Variants in TMEM132D observed in about 807,000 individuals in gnomAD.
The protein encoded by TMEM132D is transmembrane protein 132D.
A neutral mutation model predicts 62.3 loss-of-function variants in TMEM132D; 21 were observed. That is an observed-to-expected ratio of 0.34 (90% confidence interval 0.24 to 0.49). The LOEUF (loss-of-function observed/expected upper bound fraction) is 0.49, where lower values mean the gene tolerates loss of function less well. TMEM132D is among the 20% of genes least tolerant of loss of function. The pLI is 0.99. For missense variants in TMEM132D, 1,346 were observed against 1,402.8 expected, an observed-to-expected ratio of 0.96 and a Z score of 0.65; for synonymous variants, 621 against 575.6, an observed-to-expected ratio of 1.08 and a Z score of -1.13.
At chr12:129,481,475 A>T (rs1264614939) in intron 3 of TMEM132D, among the ~76,000 whole-genome samples, 9 of 146,144 alleles carry the variant, frequency 6.2e-5, no homozygotes, top group Non-Finnish European at 1.4e-4. Flanking sequence ...AAAAAAAAAA[A>T]AAAACCCACA....
intron 2 of TMEM132D, among the ~76,000 whole-genome samples, chr12:129,554,596 T>A (rs1378257631): frequency 6.6e-6 from 1 of 152,174 alleles, no homozygotes; most frequent in Non-Finnish European, 1.5e-5. Context: ...CTCTTCTGAA[T>A]CTTGTCCACC....
chr12:129,127,131 T>C (rs1876237107), intron 5 of TMEM132D, among the ~76,000 whole-genome samples: 1 of 152,210 alleles, frequency 6.6e-6, no homozygotes, highest in South Asian at 2.1e-4. Context: ...TTGAACACAC[T>C]GGCTTCAAGG....
intron 4 of TMEM132D, among the ~76,000 whole-genome samples, chr12:129,305,394 G>A (rs1311965505): frequency 1.3e-5 from 2 of 152,180 alleles, no homozygotes; most frequent in Non-Finnish European, 2.9e-5. Flanking sequence ...AAGTGCCACT[G>A]CCTGTCCTGA....
At chr12:129,287,718 A>G (rs1881340086) in intron 4 of TMEM132D, among the ~76,000 whole-genome samples, 1 of 133,076 alleles carries the variant, frequency 7.5e-6, no homozygotes, top group Admixed American at 8.5e-5. Flanking sequence ...ACTGCCCAGC[A>G]AAACTTTCAT....
Position 129,074,950 on chromosome 12 carries a change from A to C in TMEM132D, c.2225T>G (p.Val742Gly), listed in dbSNP as rs149855471. 3,503 of 1,613,938 alleles carry C rather than the reference A, an allele frequency of 2.2e-3. 5 individuals are homozygous for C. Among genetic ancestry groups the C allele is most frequent in the Non-Finnish European group, 2.8e-3 (3,266 of 1,180,002 alleles). The change falls in exon 9 of 9, where the codon GTA becomes GGA. Residue 742 changes from valine (V) to glycine (G), a missense_variant. Coordinates refer to ENST00000422113, the MANE Select transcript of TMEM132D (RefSeq NM_133448.3). Reference protein sequence around the residue: ...SLMATSLDEKVVSIHQDPKFK... With the variant: ...SLMATSLDEKGVSIHQDPKFK... ...TTTGGGGTCTTGGTGGATGGAGACT[A>C]CCTTCTCATCCAAAGATGTGGCCAT...
At chr12:129,575,804 G>T (rs1877645326) in intron 2 of TMEM132D, among the ~76,000 whole-genome samples, 1 of 1,470 alleles carries the variant, frequency 6.8e-4, no homozygotes, top group South Asian at 0.033. Flanking sequence ...ACGGAGTCTC[G>T]CTCTGTCGCC....
At chr12:129,744,297 A>G (rs1426579334) in intron 1 of TMEM132D, among the ~76,000 whole-genome samples, 2 of 152,204 alleles carry the variant, frequency 1.3e-5, no homozygotes, top group East Asian at 3.8e-4. Context: ...GATCGCTCCA[A>G]GGATGTACTT....
chr12:129,743,468 GT>G (rs1011783718), intron 1 of TMEM132D, among the ~76,000 whole-genome samples: 6 of 152,164 alleles, frequency 3.9e-5, no homozygotes, highest in Admixed American at 2.6e-4. Context: ...AGAAGAACGT[GT>G]TTGCTTCCCC....
At chr12:129,153,015 CT>C (rs1360091542) in intron 5 of TMEM132D, among the ~76,000 whole-genome samples, 1 of 152,202 alleles carries the variant, frequency 6.6e-6, no homozygotes, top group Non-Finnish European at 1.5e-5. Context: ...GCAACACCAC[CT>C]CCTCCCTTTG....
intron 3 of TMEM132D, among the ~76,000 whole-genome samples, chr12:129,392,488 T>C (rs1566054876): frequency 6.6e-6 from 1 of 152,194 alleles, no homozygotes; most frequent in Non-Finnish European, 1.5e-5. Context: ...TCAAAGAGAT[T>C]CTGGTCTCAT....
chr12:129,655,525 G>A (rs959093533), intron 2 of TMEM132D, among the ~76,000 whole-genome samples: 7 of 152,118 alleles, frequency 4.6e-5, no homozygotes, highest in Middle Eastern at 3.4e-3. Context: ...GGGATTACAG[G>A]CATGAGCCAC....
chr12:129,744,025 T>C (rs1002992602), intron 1 of TMEM132D, among the ~76,000 whole-genome samples: 1 of 152,212 alleles, frequency 6.6e-6, no homozygotes, highest in African/African-American at 2.4e-5. Context: ...TATACAGCTA[T>C]CTACAGTGTT....
At chr12:129,439,480 C>T (rs1202080563) in intron 3 of TMEM132D, among the ~76,000 whole-genome samples, 1 of 151,770 alleles carries the variant, frequency 6.6e-6, no homozygotes, top group African/African-American at 2.4e-5. Flanking sequence ...GACGGAATCT[C>T]ACTCTATTGC....
intron 1 of TMEM132D, among the ~76,000 whole-genome samples, chr12:129,849,140 T>A (rs1220340737): frequency 1.3e-5 from 2 of 152,154 alleles, no homozygotes; most frequent in African/African-American, 2.4e-5. Context: ...ACCTTAAGCA[T>A]CCCTGGCTTT....
intron 2 of TMEM132D, among the ~76,000 whole-genome samples, chr12:129,609,232 A>C (rs1878706564): frequency 1.3e-5 from 2 of 152,140 alleles, no homozygotes; most frequent in Admixed American, 6.5e-5. Context: ...GGAGTGAGCC[A>C]CCATGCCTGG....
intron 1 of TMEM132D, among the ~76,000 whole-genome samples, chr12:129,804,555 C>T (rs1458005158): frequency 6.7e-6 from 1 of 150,132 alleles, no homozygotes; most frequent in Non-Finnish European, 1.5e-5. Flanking sequence ...ATAATAAGAG[C>T]TATCTATGAC....
intron 1 of TMEM132D, among the ~76,000 whole-genome samples, chr12:129,860,638 G>A (rs1873864014): frequency 1.3e-5 from 2 of 152,242 alleles, no homozygotes; most frequent in East Asian, 1.9e-4. Flanking sequence ...GTTGGCTTCT[G>A]TATTAGTCCA....
chr12:129,628,362 A>C (rs1162527183), intron 2 of TMEM132D, among the ~76,000 whole-genome samples: 1 of 152,190 alleles, frequency 6.6e-6, no homozygotes, highest in East Asian at 1.9e-4. Flanking sequence ...GCAATGTCAC[A>C]GGAGGCAGGA....
At chr12:129,883,763 G>A (rs1402334427) in intron 1 of TMEM132D, among the ~76,000 whole-genome samples, 1 of 152,100 alleles carries the variant, frequency 6.6e-6, no homozygotes, top group Non-Finnish European at 1.5e-5. Context: ...AGACAACCTT[G>A]ACAAAAATGT....
Sources: gnomAD v4.1 joint callset for allele counts (sites outside exome capture counted in the v4.1 genomes callset) on GRCh38, gnomAD v4.1.1 for gene constraint, MANE v1.5 for transcripts, NCBI Gene and HGNC (gene_info 2026-07-23, HGNC 2026-07-21) for gene names.